Variants in LPAR3 observed in about 807,000 individuals in gnomAD.
LPAR3 encodes the protein lysophosphatidic acid receptor 3.
In LPAR3, 7 loss-of-function variants were observed where a neutral mutation model predicts 17.8. That is an observed-to-expected ratio of 0.39 (90% CI 0.22 to 0.74). The LOEUF is 0.74. Ranked by LOEUF, LPAR3 falls within the 30% of genes least tolerant of loss-of-function variation. The pLI is 0.40. For synonymous variants in LPAR3, 179 were observed against 179.9 expected (o/e 0.99, Z 0.04); for missense variants, 391 against 453.4 (o/e 0.86, Z 1.25).
Position 84,814,063 on chromosome 1 carries a change from G to A in LPAR3, c.845C>T (p.Ala282Val), listed in dbSNP as rs528568658. Residue 282 changes from alanine (A) to valine (V), a missense_variant, in exon 3 of 3, where the codon GCG becomes GTG. Coordinates refer to ENST00000370611, the MANE Select transcript of LPAR3 (RefSeq NM_012152.3). ...GGGGTTCACGACGGAGTTGAGCAGC[G>A]CCAGCAGCAGGAACCACCTTTTCAC... ...QHVKRWFLLLALLNSVVNPII... is the reference protein window; with the variant it reads ...QHVKRWFLLLVLLNSVVNPII... 9.3e-6 allele frequency: 15 copies of A among 1,614,096 alleles called. No individual in the cohort carries two copies. Among genetic ancestry groups the A allele is most frequent in the South Asian group, 7.7e-5 (7 of 91,074 alleles).
intron 2 of LPAR3, among the ~76,000 whole-genome samples, chr1:84,841,040 T>C (rs1236291901): frequency 6.6e-6 from 1 of 152,232 alleles, no homozygotes; most frequent in East Asian, 1.9e-4. Context: ...AAAGGCTCAC[T>C]GGAATTTCCT....
chr1:84,884,591 G>A (rs1221863882), intron 1 of LPAR3, among the ~76,000 whole-genome samples: 3 of 152,182 alleles, frequency 2.0e-5, no homozygotes, highest in African/African-American at 7.2e-5. Flanking sequence ...GCCTGTTTCA[G>A]AGAAAGCTCA....
chr1:84,825,975 TA>T (rs1659146267), intron 2 of LPAR3, among the ~76,000 whole-genome samples: 1 of 152,146 alleles, frequency 6.6e-6, no homozygotes, highest in Admixed American at 6.6e-5. Flanking sequence ...AAAACCAGTA[TA>T]AAAACTCCAT....
At chr1:84,875,482 A>T (rs1282813900) in intron 1 of LPAR3, among the ~76,000 whole-genome samples, 1 of 152,198 alleles carries the variant, frequency 6.6e-6, no homozygotes, top group East Asian at 1.9e-4. Context: ...GGCTCCTGAT[A>T]AAAAAGAATG....
intron 2 of LPAR3, among the ~76,000 whole-genome samples, chr1:84,858,273 G>C (rs1218921468): frequency 6.6e-6 from 1 of 152,080 alleles, no homozygotes; most frequent in Non-Finnish European, 1.5e-5. Flanking sequence ...CTTGAGGCCA[G>C]GAGTTTCAGA....
intron 2 of LPAR3, among the ~76,000 whole-genome samples, chr1:84,858,164 G>T (rs1009985058): frequency 6.6e-6 from 1 of 151,884 alleles, no homozygotes; most frequent in Admixed American, 6.6e-5. Flanking sequence ...CAGAGACCTC[G>T]GCTTCTCATA....
intron 2 of LPAR3, among the ~76,000 whole-genome samples, chr1:84,862,878 C>A (rs984843130): frequency 6.6e-6 from 1 of 152,220 alleles, no homozygotes; most frequent in African/African-American, 2.4e-5. Flanking sequence ...CCTTACAAGA[C>A]AAGTTCTGTG....
At chr1:84,875,667 T>C (rs1340245263) in intron 1 of LPAR3, among the ~76,000 whole-genome samples, 1 of 152,250 alleles carries the variant, frequency 6.6e-6, no homozygotes, top group African/African-American at 2.4e-5. Context: ...TTCTCTTTTA[T>C]AGCATCAGAA....
At chr1:84,849,372 C>CAAA (rs34239236) in intron 2 of LPAR3, among the ~76,000 whole-genome samples, 26 of 77,272 alleles carry the variant, frequency 3.4e-4, no homozygotes, top group African/African-American at 5.3e-4. Flanking sequence ...AGACTCATCT[C>CAAA]AAAAAAAAAA....
rs529265133 is a variant in LPAR3, at chr1:84,884,508, C to T, written c.-19+8508G>A. ...TTGGTAAGAGTTTATGGAGGAAAAT[C>T]TATATAATCAAATGAAAATATCACA... On this transcript the variant is annotated intron_variant, in intron 1 of 2. Transcript: ENST00000370611. Among the ~76,000 whole-genome samples the T allele has an allele frequency of 1.1e-4, 16 of 152,262 alleles. No homozygotes were observed. The South Asian group carries it at 2.7e-3, about 26-fold the overall frequency.
chr1:84,875,769 T>C (rs1197855622), intron 1 of LPAR3, among the ~76,000 whole-genome samples: 1 of 152,222 alleles, frequency 6.6e-6, no homozygotes. Context: ...AAAGTATCTG[T>C]CCTAATCCAA....
At chr1:84,876,684 C>T (rs772628724) in intron 1 of LPAR3, among the ~76,000 whole-genome samples, 3 of 152,210 alleles carry the variant, frequency 2.0e-5, no homozygotes, top group Non-Finnish European at 4.4e-5. Flanking sequence ...GACTATATCA[C>T]CTCTTGCCTG....
chr1:84,843,430 G>A (rs1305940680), intron 2 of LPAR3, among the ~76,000 whole-genome samples: 1 of 152,220 alleles, frequency 6.6e-6, no homozygotes, highest in Admixed American at 6.5e-5. Context: ...CACATTTAAT[G>A]AACTGGGTTC....
chr1:84,816,430 G>T (rs1466883225), intron 2 of LPAR3, among the ~76,000 whole-genome samples: 1 of 152,172 alleles, frequency 6.6e-6, no homozygotes, highest in African/African-American at 2.4e-5. Flanking sequence ...GTACATCTCA[G>T]AACAATCCAG....
chr1:84,866,276 T>G (rs186711048), intron 1 of LPAR3, 138 bp from the exon 2 acceptor site: 46 of 651,770 alleles, frequency 7.1e-5, no homozygotes, highest in Admixed American at 4.4e-4. Flanking sequence ...TCAGTGCAAA[T>G]GTCCTTTGGT....
At chr1:84,892,355 TGC>T (rs1157450102) in intron 1 of LPAR3, among the ~76,000 whole-genome samples, 3 of 152,168 alleles carry the variant, frequency 2.0e-5, no homozygotes, top group African/African-American at 7.2e-5. Flanking sequence ...TCAAATTACA[TGC>T]GTGCGGAATT....
intron 1 of LPAR3, among the ~76,000 whole-genome samples, chr1:84,880,854 G>A (rs1453620366): frequency 6.6e-6 from 1 of 152,184 alleles, no homozygotes; most frequent in East Asian, 1.9e-4. Context: ...GACTTCCCAG[G>A]GGACAAAGAC....
chr1:84,885,730 G>A (rs1205718236), intron 1 of LPAR3, among the ~76,000 whole-genome samples: 2 of 152,202 alleles, frequency 1.3e-5, no homozygotes, highest in East Asian at 1.9e-4. Flanking sequence ...CCTGGCAGCC[G>A]AGGACAAGAG....
chr1:84,881,937 C>A (rs762926278), intron 1 of LPAR3, among the ~76,000 whole-genome samples: 1 of 152,184 alleles, frequency 6.6e-6, no homozygotes, highest in East Asian at 1.9e-4. Context: ...CAAGGATGCC[C>A]ACTCTTATCA....
Sources: gnomAD v4.1 joint callset for allele counts (sites outside exome capture counted in the v4.1 genomes callset) on GRCh38, gnomAD v4.1.1 for gene constraint, MANE v1.5 for transcripts, NCBI Gene and HGNC (gene_info 2026-07-23, HGNC 2026-07-21) for gene names.